INPP4B: variants seen among roughly 807,000 people sequenced by gnomAD.
INPP4B encodes the protein inositol polyphosphate 4-phosphatase type II.
In INPP4B, 55 loss-of-function variants were observed where a neutral mutation model predicts 122.5. The observed-to-expected ratio is 0.45, with a 90% CI of 0.36 to 0.56. INPP4B has a LOEUF of 0.56. Among genes scored for constraint, INPP4B ranks in the 20% least tolerant of loss-of-function variants. INPP4B has a pLI of 0.00. For missense variants in INPP4B, 1,000 were observed against 1,097.7 expected, an observed-to-expected ratio of 0.91 and a Z score of 1.26; for synonymous variants, 403 against 388.7, an observed-to-expected ratio of 1.04 and a Z score of -0.43.
chr4:142,307,960 C>T (rs1384918959), intron 8 of INPP4B, among the ~76,000 whole-genome samples: 2 of 91,976 alleles, frequency 2.2e-5, no homozygotes, highest in Non-Finnish European at 5.3e-5. Context: ...CAGCTAGAGA[C>T]AGGTGGAATT....
chr4:142,779,982 G>A (rs1261162239), intron 1 of INPP4B, among the ~76,000 whole-genome samples: 1 of 152,044 alleles, frequency 6.6e-6, no homozygotes, highest in African/African-American at 2.4e-5. Context: ...AGATAATAAG[G>A]CTGCAGCAGA....
intron 1 of INPP4B, 113 bp from the exon 2 acceptor site, chr4:142,726,014 A>T (rs1212647606): frequency 1.3e-5 from 5 of 388,576 alleles, no homozygotes; most frequent in Non-Finnish European, 2.3e-5. Context: ...ATCATTTAAC[A>T]AAATATTCAG....
chr4:142,203,021 A>G (rs1251625625), intron 14 of INPP4B, among the ~76,000 whole-genome samples: 3 of 152,134 alleles, frequency 2.0e-5, no homozygotes, highest in African/African-American at 4.8e-5. Context: ...TAAATTCAGA[A>G]GGAGAGATTG....
chr4:142,281,029 C>T (rs1162669363), intron 9 of INPP4B, among the ~76,000 whole-genome samples: 1 of 151,946 alleles, frequency 6.6e-6, no homozygotes, highest in African/African-American at 2.4e-5. Flanking sequence ...AGCTGGCCAC[C>T]TATCATCTAA....
At chr4:142,840,139 T>A (rs1156411307) in intron 1 of INPP4B, among the ~76,000 whole-genome samples, 1 of 152,164 alleles carries the variant, frequency 6.6e-6, no homozygotes, top group Non-Finnish European at 1.5e-5. Context: ...TAAATTATAG[T>A]ACTATATGGC....
At chr4:142,423,747 A>G (rs928799618) in intron 5 of INPP4B, 38 of 427,334 alleles carry the variant, frequency 8.9e-5, no homozygotes, top group African/African-American at 6.3e-4. Flanking sequence ...TTTTACAATC[A>G]TCCGCTTCCA....
chr4:142,289,911 C>G (rs1166869496), intron 9 of INPP4B, among the ~76,000 whole-genome samples: 1 of 152,150 alleles, frequency 6.6e-6, no homozygotes, highest in African/African-American at 2.4e-5. Flanking sequence ...CCTGTCCTTT[C>G]TTCAAAATGT....
intron 16 of INPP4B, among the ~76,000 whole-genome samples, chr4:142,162,318 T>C (rs141429935): frequency 4.0e-5 from 6 of 151,292 alleles, no homozygotes; most frequent in African/African-American, 1.5e-4. Context: ...ATGAAAGATA[T>C]AAAAAAACTG....
intron 2 of INPP4B, among the ~76,000 whole-genome samples, chr4:142,710,429 C>A (rs558433923): frequency 1.3e-5 from 2 of 151,984 alleles, no homozygotes; most frequent in African/African-American, 4.8e-5. Flanking sequence ...ATCTTTTATC[C>A]CTGATTGCTA....
At chr4:142,071,102 G>A (rs1047720251) in intron 25 of INPP4B, among the ~76,000 whole-genome samples, 2 of 152,158 alleles carry the variant, frequency 1.3e-5, no homozygotes, top group East Asian at 1.9e-4. Context: ...CAAGGCTACA[G>A]TAACCAAAAC....
At position 142,584,929 on chromosome 4, in the gene INPP4B, G is replaced by C. The variant is rs533916007; in HGVS notation, c.-190-122203C>G. 3.3e-5 allele frequency among the ~76,000 whole-genome samples: 5 copies of C among 152,178 alleles called. 1 individual carries two copies. Among genetic ancestry groups the C allele is most frequent in the Admixed American group, 6.5e-5 (1 of 15,268 alleles). On this transcript the variant is annotated intron_variant, in intron 2 of 25. Transcript: ENST00000262992. ...TTTACTCATAACTGTATAGAATCAT[G>C]GGTACTTATTTTAAACTTTGAGTTA...
chr4:142,293,373 A>G (rs1328043111), intron 9 of INPP4B, among the ~76,000 whole-genome samples: 2 of 152,086 alleles, frequency 1.3e-5, no homozygotes, highest in Non-Finnish European at 2.9e-5. Flanking sequence ...ATCAACCACA[A>G]AACTATAGGC....
At chr4:142,365,750 C>T (rs1003422300) in intron 7 of INPP4B, among the ~76,000 whole-genome samples, 7 of 145,094 alleles carry the variant, frequency 4.8e-5, no homozygotes, top group African/African-American at 1.8e-4. Context: ...CTATTTTTAA[C>T]AAATATTAAA....
At chr4:142,260,789 G>A (rs1405714231) in intron 10 of INPP4B, among the ~76,000 whole-genome samples, 5 of 152,064 alleles carry the variant, frequency 3.3e-5, no homozygotes, top group African/African-American at 1.2e-4. Flanking sequence ...ATTGTAGAGG[G>A]TACTCAGGGA....
chr4:142,802,549 CCCTCA>C (rs1340887342), intron 1 of INPP4B, among the ~76,000 whole-genome samples: 1 of 152,056 alleles, frequency 6.6e-6, no homozygotes, highest in Non-Finnish European at 1.5e-5. Context: ...GATAAATAAT[CCCTCA>C]CTGTTTATTC....
Position 142,617,357 on chromosome 4 carries a change from T to C in INPP4B, c.-191+108482A>G, listed in dbSNP as rs978953362. Among the ~76,000 whole-genome samples, 4 of 152,058 alleles carry C rather than the reference T, an allele frequency of 2.6e-5. No individual in the cohort carries two copies. In the South Asian group the frequency reaches 8.3e-4, roughly 31 times the overall value. ...ATACATTCGCTCCAACTCACACACATGCATAGCTGATCTGCACCCACCTTC... is the reference window on the plus strand; with the variant it reads ...ATACATTCGCTCCAACTCACACACACGCATAGCTGATCTGCACCCACCTTC... On this transcript the variant is annotated intron_variant, in intron 2 of 25. Transcript: ENST00000262992.
At chr4:142,616,582 C>T (rs1442821532) in intron 2 of INPP4B, among the ~76,000 whole-genome samples, 5 of 152,144 alleles carry the variant, frequency 3.3e-5, no homozygotes, top group Non-Finnish European at 5.9e-5. Context: ...GGTGACCATA[C>T]ATTTTTGTCT....
chr4:142,417,918 T>G (rs1481590275), intron 5 of INPP4B, among the ~76,000 whole-genome samples: 1 of 152,162 alleles, frequency 6.6e-6, no homozygotes, highest in Non-Finnish European at 1.5e-5. Flanking sequence ...CAGTTGTCTG[T>G]TCTTGTTGTT....
At chr4:142,695,842 T>C (rs1463411746) in intron 2 of INPP4B, among the ~76,000 whole-genome samples, 1 of 152,182 alleles carries the variant, frequency 6.6e-6, no homozygotes. Context: ...AATATACTTA[T>C]TTGGCATATT....
Sources: gnomAD v4.1 joint callset for allele counts (sites outside exome capture counted in the v4.1 genomes callset) on GRCh38, gnomAD v4.1.1 for gene constraint, MANE v1.5 for transcripts, NCBI Gene and HGNC (gene_info 2026-07-23, HGNC 2026-07-21) for gene names.